The following GREB1L variants were observed in gnomAD, a reference collection of about 807,000 sequenced individuals.
The protein encoded by GREB1L is GREB1 like retinoic acid receptor coactivator.
GREB1L carries 17 observed loss-of-function variants against 200.8 expected under a neutral mutation model. The observed-to-expected ratio is 0.08, with a 90% confidence interval of 0.06 to 0.13. The LOEUF is 0.13. Among genes scored for constraint, GREB1L ranks in the 10% least tolerant of loss-of-function variants. GREB1L has a pLI of 1.00. For synonymous variants in GREB1L, 789 were observed against 893.0 expected, an observed-to-expected ratio of 0.88 and a Z score of 2.08; for missense variants, 1,657 against 2,367.7, an observed-to-expected ratio of 0.70 and a Z score of 6.23.
In GREB1L at chr18:21,454,524, G is replaced by A. The variant is rs2034666746; in HGVS notation, c.2143G>A (p.Val715Met). The change falls in exon 15 of 33, where the codon GTG (valine) becomes ATG (methionine). Residue 715 changes from valine to methionine, a missense_variant. By Grantham distance (21) the Val-to-Met change is conservative (BLOSUM62 1). This residue lies in a region of GREB1L where 239 missense variants were observed against 421.8 expected (regional missense o/e 0.57). Transcript: ENST00000424526. ...CATCATCATTGTTCCCAGATCGGAG[G>A]TGTTGGTTCAGCAAACTCTTCAGCG... ...DFIIIVPRSE[V>M]LVQQTLQRIR... 1.9e-6 allele frequency: 3 copies of A among 1,551,542 alleles called. No homozygotes were observed. Among genetic ancestry groups the A allele is most frequent in the African/African-American group, 1.4e-5 (1 of 73,014 alleles).
chr18:21,429,109 CCCTTCCTTCCTTCCTTCCTT>C (rs138864682), intron 7 of GREB1L, among the ~76,000 whole-genome samples: 1 of 109,920 alleles, frequency 9.1e-6, no homozygotes. Flanking sequence ...AAACTATTCT[CCCTTCCTTCCTTCCTTCCTT>C]CCTTCCTTCC....
chr18:21,423,226 C>T (rs1332532794), intron 7 of GREB1L, among the ~76,000 whole-genome samples: 3 of 152,114 alleles, frequency 2.0e-5, no homozygotes, highest in African/African-American at 7.2e-5. Flanking sequence ...CCATGCCTGG[C>T]CCAAAATCTG....
At chr18:21,512,142 CCT>C (rs1349330771) in intron 27 of GREB1L, among the ~76,000 whole-genome samples, 4 of 152,284 alleles carry the variant, frequency 2.6e-5, no homozygotes, top group East Asian at 1.9e-4. Flanking sequence ...TCTAACTTTG[CCT>C]CTCTTTCAAG....
intron 7 of GREB1L, among the ~76,000 whole-genome samples, chr18:21,430,989 A>C (rs879613647): frequency 8.3e-6 from 1 of 120,092 alleles, no homozygotes; most frequent in Non-Finnish European, 1.7e-5. Context: ...TTTAATTTTC[A>C]TTTATTTTAT....
rs187313718 is a variant in GREB1L, at chr18:21,388,049, G to A, written c.355+3646G>A. 4.5e-4 allele frequency among the ~76,000 whole-genome samples: 69 copies of A among 152,212 alleles called. 1 individual carries two copies. Among genetic ancestry groups the A allele is most frequent in the Non-Finnish European group, 3.7e-4 (25 of 68,018 alleles). ...GAAATAGACCAGACCCTTGGCAGGC[G>A]AACTTATTCTTAGAATAACTACAAA... is the stretch of plus-strand genomic sequence containing the variant. On this transcript the variant is annotated intron_variant, in intron 4 of 32. Coordinates refer to ENST00000424526, the MANE Select transcript of GREB1L (RefSeq NM_001142966.3).
At chr18:21,489,966 A>T (rs1445933140) in intron 18 of GREB1L, 46 bp from the exon 19 acceptor site, 33 of 1,419,764 alleles carry the variant, frequency 2.3e-5, no homozygotes, top group Non-Finnish European at 3.0e-5. Context: ...TGCTGCTCCC[A>T]GCTGGCCCTG....
At chr18:21,348,429 A>G (rs2039384849) in intron 1 of GREB1L, among the ~76,000 whole-genome samples, 2 of 152,072 alleles carry the variant, frequency 1.3e-5, no homozygotes, top group African/African-American at 4.8e-5. Flanking sequence ...ACTTGATCCC[A>G]GGAGTCTGAG....
intron 1 of GREB1L, among the ~76,000 whole-genome samples, chr18:21,362,146 A>C (rs558627821): frequency 3.3e-5 from 5 of 152,242 alleles, no homozygotes; most frequent in South Asian, 4.2e-4. Context: ...CTTAAAAAAA[A>C]CCCAGAAAAT....
At chr18:21,363,876 C>T (rs1239970766) in intron 1 of GREB1L, 2 of 152,092 alleles carry the variant, frequency 1.3e-5, no homozygotes, top group African/African-American at 4.8e-5. Flanking sequence ...CAATTCCATG[C>T]TTTGGATTTG....
intron 1 of GREB1L, among the ~76,000 whole-genome samples, chr18:21,280,998 C>T (rs1437392251): frequency 2.6e-5 from 4 of 152,076 alleles, no homozygotes; most frequent in Admixed American, 6.6e-5. Flanking sequence ...GTGGACTCAG[C>T]TTTCAGTATA....
chr18:21,415,969 G>A (rs563842857), intron 7 of GREB1L, among the ~76,000 whole-genome samples: 1 of 152,276 alleles, frequency 6.6e-6, no homozygotes, highest in Admixed American at 6.5e-5. Context: ...TTACCAGGGT[G>A]CAAAGAGGCA....
intron 7 of GREB1L, among the ~76,000 whole-genome samples, chr18:21,405,037 A>G (rs535362800): frequency 2.0e-5 from 3 of 152,238 alleles, no homozygotes; most frequent in Non-Finnish European, 4.4e-5. Context: ...AGCAGCAGCA[A>G]TGATAATAAG....
intron 31 of GREB1L, among the ~76,000 whole-genome samples, 182 bp downstream of exon 31, chr18:21,518,416 A>G (rs1488796220): frequency 6.6e-6 from 1 of 152,210 alleles, no homozygotes; most frequent in African/African-American, 2.4e-5. Context: ...ACCCTTTTGC[A>G]TACTCACTTA....
At chr18:21,463,771 C>T (rs1193846039) in intron 15 of GREB1L, among the ~76,000 whole-genome samples, 3 of 152,082 alleles carry the variant, frequency 2.0e-5, no homozygotes, top group Non-Finnish European at 4.4e-5. Context: ...GATCTCACCA[C>T]GTTGCTCAGG....
chr18:21,419,435 A>C (rs2031951798), intron 7 of GREB1L, among the ~76,000 whole-genome samples: 1 of 152,178 alleles, frequency 6.6e-6, no homozygotes. Context: ...AAACCCGCAC[A>C]TACAGGGACA....
At chr18:21,299,072 G>A (rs1320549545) in intron 1 of GREB1L, among the ~76,000 whole-genome samples, 1 of 152,056 alleles carries the variant, frequency 6.6e-6, no homozygotes, top group Non-Finnish European at 1.5e-5. Flanking sequence ...GAGGTCAGGA[G>A]TTCGAGACCA....
chr18:21,430,569 T>C (rs2033058202), intron 7 of GREB1L, among the ~76,000 whole-genome samples: 1 of 150,356 alleles, frequency 6.7e-6, no homozygotes, highest in Admixed American at 6.6e-5. Flanking sequence ...CTTAAGGTGA[T>C]TGATTTGGGA....
chr18:21,389,333 G>GTT (rs78492131), intron 4 of GREB1L, among the ~76,000 whole-genome samples: 6,735 of 95,534 alleles, frequency 0.07, 973 homozygotes, highest in African/African-American at 0.25. Context: ...TATGGGGTGG[G>GTT]TTTTTTTTTT....
chr18:21,514,033 C>T, intron 28 of GREB1L, 47 bp downstream of exon 28: 1 of 1,481,798 alleles, frequency 6.7e-7, no homozygotes, highest in Non-Finnish European at 9.1e-7. Flanking sequence ...ATAGACAGGA[C>T]AATACATTTC....
Sources: gnomAD v4.1 joint callset for allele counts (sites outside exome capture counted in the v4.1 genomes callset) on GRCh38, gnomAD v4.1.1 for gene constraint, gnomAD v4.1.1 regional missense constraint, MANE v1.5 for transcripts, NCBI Gene and HGNC (gene_info 2026-07-23, HGNC 2026-07-21) for gene names.